EXT1: variants seen among roughly 807,000 people sequenced by gnomAD.
EXT1 encodes exostosin glycosyltransferase 1.
In EXT1, 20 loss-of-function variants were observed where a neutral mutation model predicts 82.5. That is an observed-to-expected ratio of 0.24 (90% CI 0.17 to 0.35). EXT1 has a LOEUF of 0.35. EXT1 is among the 10% of genes least tolerant of loss of function. The probability of loss-of-function intolerance (pLI) is 1.00; values close to 1 mark genes in which losing one functional copy is unlikely to be tolerated. For synonymous variants in EXT1, 348 were observed against 350.8 expected (o/e 0.99, Z 0.09); for missense variants, 757 against 936.5 (o/e 0.81, Z 2.50).
At chr8:117,992,022 T>G (rs1815444859) in intron 1 of EXT1, among the ~76,000 whole-genome samples, 1 of 152,186 alleles carries the variant, frequency 6.6e-6, no homozygotes, top group South Asian at 2.1e-4. Context: ...CAGAAGGCAA[T>G]TGTAAGCACA....
rs186823720 is a variant in EXT1 at position 117,877,901 on chromosome 8, G to T, written c.963-40700C>A. The stretch of plus-strand genomic sequence containing the variant: ...CGCAAAGACTACTAGTATTTCAAGT[G>T]ATTAAAGACACCTTGGTTATAATAA... On this transcript the variant is annotated intron_variant, in intron 1 of 10. Transcript: ENST00000378204. Among the ~76,000 whole-genome samples, 650 of 152,334 alleles carry T rather than the reference G, an allele frequency of 4.3e-3. 2 individuals are homozygous for T. Among genetic ancestry groups the T allele is most frequent in the African/African-American group, 0.014 (583 of 41,582 alleles).
At chr8:117,876,139 G>A (rs1239557786) in intron 1 of EXT1, among the ~76,000 whole-genome samples, 1 of 152,162 alleles carries the variant, frequency 6.6e-6, no homozygotes, top group Non-Finnish European at 1.5e-5. Flanking sequence ...TAATCAAACA[G>A]CAACAATAAA....
At chr8:117,800,151 T>C (rs1823144473) in intron 10 of EXT1, among the ~76,000 whole-genome samples, 1 of 152,222 alleles carries the variant, frequency 6.6e-6, no homozygotes, top group Non-Finnish European at 1.5e-5. Context: ...TAAAATTTAT[T>C]GACTAATTCT....
chr8:117,990,599 C>T (rs1815412543), intron 1 of EXT1, among the ~76,000 whole-genome samples: 1 of 152,360 alleles, frequency 6.6e-6, no homozygotes, highest in South Asian at 2.1e-4. Flanking sequence ...GTAAGACCCA[C>T]AGATCCAGTG....
At chr8:117,962,255 A>G (rs1054734269) in intron 1 of EXT1, among the ~76,000 whole-genome samples, 1 of 152,164 alleles carries the variant, frequency 6.6e-6, no homozygotes, top group Non-Finnish European at 1.5e-5. Context: ...CTATGAATCT[A>G]TGCTATGAAA....
chr8:118,074,500 C>G (rs1344699901), intron 1 of EXT1, among the ~76,000 whole-genome samples: 2 of 151,996 alleles, frequency 1.3e-5, no homozygotes, highest in Non-Finnish European at 2.9e-5. Flanking sequence ...CAGAGCCCCA[C>G]GCGTGTCCGG....
rs886062641 is a variant in EXT1 at position 118,111,697 on chromosome 8, A to AGGCGGC, written c.-657_-652dup. 5.1e-4 allele frequency: 100 copies of AGGCGGC among 197,104 alleles called. 1 individual carries two copies. In the Middle Eastern group the frequency reaches 0.014, roughly 27 times the overall value. 12.2% of individuals were successfully genotyped at this position (197,104 alleles called of 1,614,324 possible). ...CCGGGACGCGCGGCGGCCCGGCTGG[A>AGGCGGC]GGCGGCGGCGGCGGCGGCGCTGGGT... On this transcript the variant is annotated 5_prime_UTR_variant, in exon 1 of 11. Transcript: ENST00000378204.
At chr8:117,872,022 C>CT (rs1474449235) in intron 1 of EXT1, among the ~76,000 whole-genome samples, 1 of 151,968 alleles carries the variant, frequency 6.6e-6, no homozygotes, top group African/African-American at 2.4e-5. Flanking sequence ...GTCCCAGCTA[C>CT]TTGGGAGGCT....
chr8:117,984,627 GC>G (rs1370956836), intron 1 of EXT1, among the ~76,000 whole-genome samples: 10 of 152,146 alleles, frequency 6.6e-5, no homozygotes, highest in African/African-American at 2.4e-4. Flanking sequence ...GGGGGCTGAA[GC>G]GGGTTGAACA....
intron 1 of EXT1, among the ~76,000 whole-genome samples, chr8:117,970,467 T>A (rs1243004662): frequency 2.0e-5 from 3 of 152,046 alleles, no homozygotes; most frequent in African/African-American, 7.2e-5. Flanking sequence ...CATGCCTGGC[T>A]AATTTTTTTT....
chr8:117,950,665 C>T (rs921269445), intron 1 of EXT1, among the ~76,000 whole-genome samples: 7 of 152,150 alleles, frequency 4.6e-5, no homozygotes, highest in African/African-American at 1.7e-4. Flanking sequence ...CAGGGATAAA[C>T]ACATTGGGAG....
intron 1 of EXT1, among the ~76,000 whole-genome samples, chr8:118,067,668 A>C (rs1280708808): frequency 9.2e-5 from 14 of 152,246 alleles, no homozygotes; most frequent in Admixed American, 9.2e-4. Flanking sequence ...CAATTATTAA[A>C]TTAACGATCC....
intron 1 of EXT1, among the ~76,000 whole-genome samples, chr8:117,968,548 TA>T (rs1563615993): frequency 2.8e-4 from 4 of 14,244 alleles, no homozygotes; most frequent in Non-Finnish European, 4.3e-4. Context: ...TTTATTTATT[TA>T]TTTATTTTTT....
intron 1 of EXT1, among the ~76,000 whole-genome samples, chr8:117,903,853 C>T (rs1405676268): frequency 6.6e-6 from 1 of 152,162 alleles, no homozygotes; most frequent in Admixed American, 6.5e-5. Flanking sequence ...GCCAAAAAAT[C>T]CGAACTATAA....
chr8:117,990,950 C>T (rs1411218979), intron 1 of EXT1, among the ~76,000 whole-genome samples: 2 of 152,144 alleles, frequency 1.3e-5, no homozygotes, highest in African/African-American at 4.8e-5. Context: ...AGGTACTAGA[C>T]TTGCACTCTT....
chr8:118,093,232 A>G (rs1222848069), intron 1 of EXT1, among the ~76,000 whole-genome samples: 1 of 150,768 alleles, frequency 6.6e-6, no homozygotes, highest in East Asian at 1.9e-4. Flanking sequence ...CTTGGCAGAA[A>G]ACAATATACA....
At chr8:118,074,158 G>C (rs1817160310) in intron 1 of EXT1, among the ~76,000 whole-genome samples, 1 of 152,066 alleles carries the variant, frequency 6.6e-6, no homozygotes, top group Admixed American at 6.5e-5. Flanking sequence ...GGGACGGGGA[G>C]GGGGAGGGAA....
intron 1 of EXT1, among the ~76,000 whole-genome samples, chr8:117,958,920 A>T (rs879630412): frequency 6.6e-6 from 1 of 152,024 alleles, no homozygotes; most frequent in South Asian, 2.1e-4. Context: ...TTCCCATTTT[A>T]CTCCACATGC....
chr8:118,107,483 G>A (rs574307715), intron 1 of EXT1, among the ~76,000 whole-genome samples: 18 of 152,244 alleles, frequency 1.2e-4, no homozygotes, highest in African/African-American at 1.4e-4. Context: ...CACAGATCAC[G>A]TCTACAGACC....
Sources: allele counts gnomAD v4.1 joint callset (sites outside exome capture counted in the v4.1 genomes callset), GRCh38; gene constraint gnomAD v4.1.1; transcripts MANE v1.5; gene names NCBI Gene and HGNC (gene_info 2026-07-23, HGNC 2026-07-21).